Variants in MAPKAP1 observed in about 807,000 individuals in gnomAD.
The protein encoded by MAPKAP1 is target of rapamycin complex 2 subunit MAPKAP1.
Under a neutral mutation model 65.7 loss-of-function variants are expected in MAPKAP1, and 20 were observed. The observed-to-expected ratio is 0.30, with a 90% CI of 0.21 to 0.44. The LOEUF is 0.44. Ranked by LOEUF, MAPKAP1 falls within the 20% of genes least tolerant of loss-of-function variation. The pLI is 1.00. For synonymous variants in MAPKAP1, 222 were observed against 244.3 expected (o/e 0.91, Z 0.85); for missense variants, 423 against 648.0 (o/e 0.65, Z 3.77).
intron 5 of MAPKAP1, among the ~76,000 whole-genome samples, chr9:125,571,539 G>A (rs377189548): frequency 2.6e-4 from 39 of 152,158 alleles, no homozygotes; most frequent in African/African-American, 8.0e-4. Context: ...GCAAACTAAC[G>A]TAATCTTTTT....
intron 8 of MAPKAP1, among the ~76,000 whole-genome samples, chr9:125,486,185 T>C (rs1278890637): frequency 6.6e-6 from 1 of 152,258 alleles, no homozygotes; most frequent in African/African-American, 2.4e-5. Flanking sequence ...GAAGGTCTTA[T>C]AATTTTCCAT....
At chr9:125,635,320 C>G (rs1267280129) in intron 4 of MAPKAP1, among the ~76,000 whole-genome samples, 2 of 152,320 alleles carry the variant, frequency 1.3e-5, no homozygotes, top group Admixed American at 6.5e-5. Context: ...TTTCCCAATA[C>G]TACAAATTAA....
chr9:125,578,032 C>T (rs1434001225), intron 5 of MAPKAP1, among the ~76,000 whole-genome samples: 19 of 151,960 alleles, frequency 1.3e-4, no homozygotes, highest in South Asian at 1.0e-3. Flanking sequence ...GGATGGTTGC[C>T]GTGTCTGTGT....
chr9:125,552,105 GT>G (rs1325818123), intron 6 of MAPKAP1, among the ~76,000 whole-genome samples: 1 of 152,154 alleles, frequency 6.6e-6, no homozygotes. Flanking sequence ...GCTCAAAGTA[GT>G]CAGCAAGTTA....
chr9:125,549,058 G>C (rs1830509768), intron 6 of MAPKAP1, among the ~76,000 whole-genome samples: 1 of 152,218 alleles, frequency 6.6e-6, no homozygotes, highest in Admixed American at 6.5e-5. Flanking sequence ...GACTTCCAGG[G>C]AGCACATCTT....
chr9:125,466,908 C>A (rs1394477323), intron 10 of MAPKAP1, among the ~76,000 whole-genome samples: 2 of 152,230 alleles, frequency 1.3e-5, no homozygotes, highest in African/African-American at 4.8e-5. Context: ...CCCCCGTCAG[C>A]CCCTGTTTAG....
At chr9:125,527,970 G>T (rs1829821396) in intron 7 of MAPKAP1, among the ~76,000 whole-genome samples, 1 of 152,216 alleles carries the variant, frequency 6.6e-6, no homozygotes, top group South Asian at 2.1e-4. Flanking sequence ...GTGGCCTCAG[G>T]TGTGGGCTGG....
In MAPKAP1 at chr9:125,672,353, T is replaced by C. The variant is rs764842536; in HGVS notation, c.222A>G (p.Ser74=). ...GTCTTCTAATACCAAAGTCCCAACTTGAGGTAATATCGACTGACTGGGCAT... is the reference window on the plus strand; with the variant it reads ...GTCTTCTAATACCAAAGTCCCAACTCGAGGTAATATCGACTGACTGGGCAT... ...YVYAQSVDIT[S]SWDFGIRRRS... is the part of the protein sequence containing the mutation. Residue 74 remains serine (S), a synonymous_variant, in exon 2 of 12, where the codon TCA becomes TCG. Transcript: ENST00000265960. 6.2e-6 allele frequency: 10 copies of C among 1,614,066 alleles called. No individual in the cohort carries two copies. The highest frequency in any genetic ancestry group is 8.5e-6 in the Non-Finnish European group (10 of 1,179,912).
chr9:125,694,656 A>G (rs1369763945), intron 1 of MAPKAP1, among the ~76,000 whole-genome samples: 1 of 152,200 alleles, frequency 6.6e-6, no homozygotes, highest in Admixed American at 6.5e-5. Flanking sequence ...GCTTACTCCA[A>G]ATAGCTCACC....
intron 3 of MAPKAP1, among the ~76,000 whole-genome samples, chr9:125,664,657 G>A (rs1328265353): frequency 6.5e-5 from 9 of 139,154 alleles, no homozygotes; most frequent in Middle Eastern, 4.3e-3. Context: ...TCTGGGAGGC[G>A]GAGGTTGCAG....
chr9:125,613,730 G>C (rs965600021), intron 4 of MAPKAP1, among the ~76,000 whole-genome samples: 7 of 151,956 alleles, frequency 4.6e-5, no homozygotes, highest in African/African-American at 1.7e-4. Flanking sequence ...AGCAGGTTCC[G>C]CCAAACATTC....
intron 7 of MAPKAP1, among the ~76,000 whole-genome samples, chr9:125,511,046 A>G (rs1352363474): frequency 6.6e-6 from 1 of 152,198 alleles, no homozygotes; most frequent in African/African-American, 2.4e-5. Flanking sequence ...AACAGGGGAT[A>G]ATAATAGCAC....
Position 125,624,617 on chromosome 9 carries a change from G to C in MAPKAP1, c.498+33034C>G, listed in dbSNP as rs1247897362. On this transcript the variant is annotated intron_variant, in intron 4 of 11. Coordinates refer to ENST00000265960, the MANE Select transcript of MAPKAP1 (RefSeq NM_001006617.3). ...CCCCGTCCGGGAGGGAGGTGGGGGG[G>C]GGGGTCAGCCCCCCTGCCCGGCCAG... Among the ~76,000 whole-genome samples, 4 of 72,866 alleles carry C rather than the reference G, an allele frequency of 5.5e-5. 1 individual carries two copies. Among genetic ancestry groups the C allele is most frequent in the Non-Finnish European group, 8.9e-5 (3 of 33,740 alleles). The allele number at this position is 72,866 out of a possible 152,430, so 47.8% of individuals were successfully genotyped here.
chr9:125,521,408 C>G (rs182726457), intron 7 of MAPKAP1: 1 of 982,440 alleles, frequency 1.0e-6, no homozygotes. Flanking sequence ...ACTTGAGTCA[C>G]TGTGACAATA....
chr9:125,480,951 G>T (rs1854289060), intron 9 of MAPKAP1, among the ~76,000 whole-genome samples: 1 of 122,556 alleles, frequency 8.2e-6, no homozygotes, highest in Non-Finnish European at 1.6e-5. Context: ...CAGCCTGGGT[G>T]ACAGAGCGAG....
intron 1 of MAPKAP1, among the ~76,000 whole-genome samples, chr9:125,698,685 G>T (rs1177830523): frequency 6.6e-6 from 1 of 151,928 alleles, no homozygotes. Flanking sequence ...ACTTCTCTAA[G>T]CTTCAGTTTC....
chr9:125,488,438 T>G (rs776287370), intron 8 of MAPKAP1, among the ~76,000 whole-genome samples: 7 of 152,212 alleles, frequency 4.6e-5, no homozygotes, highest in Non-Finnish European at 8.8e-5. Context: ...AGATCTTGGC[T>G]CACTGCAACC....
At chr9:125,552,470 T>G (rs779435479) in intron 6 of MAPKAP1, among the ~76,000 whole-genome samples, 1 of 152,202 alleles carries the variant, frequency 6.6e-6, no homozygotes, top group Non-Finnish European at 1.5e-5. Flanking sequence ...TTCACAACCT[T>G]TGCATGATGG....
At chr9:125,553,083 T>TG (rs36106745) in intron 6 of MAPKAP1, among the ~76,000 whole-genome samples, 28 of 151,802 alleles carry the variant, frequency 1.8e-4, no homozygotes, top group African/African-American at 4.4e-4. Context: ...TGTGTGTGTG[T>TG]GGGGGGGTGT....
Sources: allele counts gnomAD v4.1 joint callset (sites outside exome capture counted in the v4.1 genomes callset), GRCh38; gene constraint gnomAD v4.1.1; transcripts MANE v1.5; gene names NCBI Gene and HGNC (gene_info 2026-07-23, HGNC 2026-07-21).